FAF1: variants seen among roughly 807,000 people sequenced by gnomAD.
The protein encoded by FAF1 is Fas associated factor 1.
In FAF1, 25 loss-of-function variants were observed where a neutral mutation model predicts 92.5. That is an observed-to-expected ratio of 0.27 (90% CI 0.20 to 0.38). FAF1 has a LOEUF of 0.38. Among genes scored for constraint, FAF1 ranks in the 10% least tolerant of loss-of-function variants. The pLI is 1.00. For synonymous variants in FAF1, 234 were observed against 273.2 expected (o/e 0.86, Z 1.42); for missense variants, 636 against 793.3 (o/e 0.80, Z 2.38).
intron 8 of FAF1, among the ~76,000 whole-genome samples, chr1:50,650,392 G>A (rs975052547): frequency 2.0e-5 from 3 of 151,896 alleles, no homozygotes; most frequent in African/African-American, 7.3e-5. Flanking sequence ...GATCACTTGA[G>A]GCCAAGAGTT....
At chr1:50,585,353 T>C (rs927156960) in intron 9 of FAF1, among the ~76,000 whole-genome samples, 2 of 152,146 alleles carry the variant, frequency 1.3e-5, no homozygotes, top group African/African-American at 4.8e-5. Context: ...AGATGAGATG[T>C]AATAATAATG....
chr1:50,781,706 C>T (rs1661186268), intron 4 of FAF1, among the ~76,000 whole-genome samples: 1 of 152,316 alleles, frequency 6.6e-6, no homozygotes, highest in African/African-American at 2.4e-5. Flanking sequence ...AGAATACACA[C>T]TCTTCTCAAG....
At chr1:50,761,108 A>C (rs930929946) in intron 4 of FAF1, among the ~76,000 whole-genome samples, 5 of 152,084 alleles carry the variant, frequency 3.3e-5, no homozygotes, top group African/African-American at 9.7e-5. Context: ...TAAATTCCTC[A>C]ACACATACAC....
At chr1:50,614,704 T>C (rs988312187) in intron 8 of FAF1, among the ~76,000 whole-genome samples, 1 of 151,954 alleles carries the variant, frequency 6.6e-6, no homozygotes, top group South Asian at 2.1e-4. Flanking sequence ...CTGGGCGTCA[T>C]GGTGTATGCC....
intron 1 of FAF1, among the ~76,000 whole-genome samples, chr1:50,901,157 TACTTC>T (rs1233103453): frequency 1.3e-5 from 2 of 152,302 alleles, no homozygotes; most frequent in East Asian, 3.9e-4. Flanking sequence ...TCCAGCTACT[TACTTC>T]CTCTTAAAAA....
intron 1 of FAF1, among the ~76,000 whole-genome samples, chr1:50,942,449 A>AAGGGG (rs990293511): frequency 6.6e-6 from 1 of 151,938 alleles, no homozygotes; most frequent in Non-Finnish European, 1.5e-5. Context: ...TATTTTAAGG[A>AAGGGG]AGGGGAGGGG....
intron 1 of FAF1, among the ~76,000 whole-genome samples, chr1:50,915,492 G>A (rs1326266392): frequency 6.6e-6 from 1 of 152,056 alleles, no homozygotes; most frequent in African/African-American, 2.4e-5. Flanking sequence ...ACTTAGACGA[G>A]TAGAAGATAA....
chr1:50,500,629 T>C (rs72898957), intron 15 of FAF1, among the ~76,000 whole-genome samples: 13,421 of 152,168 alleles, frequency 0.088, 650 homozygotes, highest in African/African-American at 0.096. Flanking sequence ...AAAAGCATGA[T>C]ACATAAAAGA....
At chr1:50,542,873 A>G (rs944066169) in intron 13 of FAF1, among the ~76,000 whole-genome samples, 3 of 152,328 alleles carry the variant, frequency 2.0e-5, no homozygotes, top group Admixed American at 6.5e-5. Context: ...TAAGGGAATG[A>G]TACAAGGGAA....
At chr1:50,642,403 C>A (rs988461026) in intron 8 of FAF1, among the ~76,000 whole-genome samples, 2 of 152,176 alleles carry the variant, frequency 1.3e-5, no homozygotes, top group East Asian at 3.9e-4. Context: ...GTAATCCCAG[C>A]ACTTTGGGAG....
intron 2 of FAF1, among the ~76,000 whole-genome samples, chr1:50,819,752 CATATATATATACGTATATATATAT>C (rs1427369048): frequency 3.4e-4 from 7 of 20,626 alleles, no homozygotes; most frequent in Non-Finnish European, 5.0e-4. Context: ...TATATATATA[CATATATATATACGTATATATATAT>C]ACATATATAT....
At chr1:50,556,846 AATAAAATAAT>A (rs1255200930) in intron 13 of FAF1, among the ~76,000 whole-genome samples, 1 of 151,890 alleles carries the variant, frequency 6.6e-6, no homozygotes, top group African/African-American at 2.4e-5. Context: ...TCAAACATAA[AATAAAATAAT>A]ATAAAATAAA....
intron 17 of FAF1, among the ~76,000 whole-genome samples, chr1:50,480,792 T>C (rs917833136): frequency 2.6e-5 from 4 of 152,206 alleles, no homozygotes; most frequent in African/African-American, 9.6e-5. Context: ...CTTCTACGTA[T>C]TTTTTAGAAA....
chr1:50,437,723 T>A lies in FAF1; in HGVS notation c.*3717A>T, dbSNP rs947648584. On this transcript the variant is annotated 3_prime_UTR_variant, in exon 19 of 19. Transcript: ENST00000396153. ...GGATTCCAAGATCCGTTCTTGAATATAAAATTTAGAGATTCTTGGCCGGGC... is the reference window on the plus strand; with the variant it reads ...GGATTCCAAGATCCGTTCTTGAATAAAAAATTTAGAGATTCTTGGCCGGGC... 1 of 152,102 alleles carries A rather than the reference T, an allele frequency of 6.6e-6. No homozygotes were observed. Among genetic ancestry groups the A allele is most frequent in the Non-Finnish European group, 1.5e-5 (1 of 68,020 alleles). 9.4% of individuals were successfully genotyped at this position (152,102 alleles called of 1,614,324 possible).
chr1:50,655,414 T>C lies in FAF1; in HGVS notation c.744+28A>G, dbSNP rs377732241. On this transcript the variant is annotated intron_variant, in intron 8 of 18. Transcript: ENST00000396153. ...AAGTGGCAAAAGAGAAAGGAGGATATAAAACTGAAAATTTGACTGTCACTT... is the reference window on the plus strand; with the variant it reads ...AAGTGGCAAAAGAGAAAGGAGGATACAAAACTGAAAATTTGACTGTCACTT... 20 of 1,501,260 alleles carry C rather than the reference T, an allele frequency of 1.3e-5. No homozygotes were observed. In the African/African-American group the frequency reaches 2.3e-4, roughly 18 times the overall value. 93.0% of individuals were successfully genotyped at this position (1,501,260 alleles called of 1,614,324 possible).
Position 50,890,262 on chromosome 1 carries a change from C to A in FAF1, c.46-32265G>T, listed in dbSNP as rs556730712. On this transcript the variant is annotated intron_variant, in intron 1 of 18. Coordinates refer to ENST00000396153, the MANE Select transcript of FAF1 (RefSeq NM_007051.3). ...TTTTGACCCTATGTGTGTCTCTGCA[C>A]GTGAGATGGGTTTCCTGAATACAGC... Among the ~76,000 whole-genome samples the A allele has an allele frequency of 5.9e-5, 9 of 152,236 alleles. No individual in the cohort carries two copies. The East Asian group carries it at 1.5e-3, about 26-fold the overall frequency.
intron 4 of FAF1, among the ~76,000 whole-genome samples, chr1:50,748,450 T>C (rs1388160679): frequency 1.3e-5 from 2 of 148,424 alleles, no homozygotes; most frequent in African/African-American, 5.0e-5. Context: ...TGAGCCAAGA[T>C]TGCACCACTG....
At chr1:50,938,912 T>C (rs1423969057) in intron 1 of FAF1, among the ~76,000 whole-genome samples, 1 of 152,220 alleles carries the variant, frequency 6.6e-6, no homozygotes, top group Non-Finnish European at 1.5e-5. Context: ...TCTATTCTGT[T>C]CCATTGGTCT....
chr1:50,697,347 G>A (rs1158740735), intron 7 of FAF1, among the ~76,000 whole-genome samples: 1 of 152,036 alleles, frequency 6.6e-6, no homozygotes, highest in Non-Finnish European at 1.5e-5. Flanking sequence ...AAAGGTGGGG[G>A]GCTGTACTAT....
Sources: gnomAD v4.1 joint callset for allele counts (sites outside exome capture counted in the v4.1 genomes callset) on GRCh38, gnomAD v4.1.1 for gene constraint, MANE v1.5 for transcripts, NCBI Gene and HGNC (gene_info 2026-07-23, HGNC 2026-07-21) for gene names.